The following WARS2 variants were observed in gnomAD, a reference collection of about 807,000 sequenced individuals.
WARS2 encodes tryptophanyl tRNA synthetase 2, mitochondrial, also known as tryptophan--tRNA ligase, mitochondrial.
Under a neutral mutation model 36.5 loss-of-function variants are expected in WARS2, and 28 were observed. That is an observed-to-expected ratio of 0.77 (90% CI 0.57 to 1.05). WARS2 has a LOEUF of 1.05. WARS2 is among the 50% of genes least tolerant of loss of function. The pLI is 0.00. For synonymous variants in WARS2, 174 were observed against 178.4 expected (o/e 0.98, Z 0.20); for missense variants, 435 against 456.8 (o/e 0.95, Z 0.44).
At chr1:119,072,288 C>T (rs1316277666) in intron 2 of WARS2, among the ~76,000 whole-genome samples, 2 of 152,090 alleles carry the variant, frequency 1.3e-5, no homozygotes, top group Non-Finnish European at 1.5e-5. Context: ...AGGCAATCCA[C>T]GGGCAGTAGG....
chr1:119,118,309 T>C (rs1046220297), intron 1 of WARS2, among the ~76,000 whole-genome samples: 5 of 151,670 alleles, frequency 3.3e-5, no homozygotes, highest in Non-Finnish European at 5.9e-5. Context: ...AATAATAGAA[T>C]TGAACAAGCA....
chr1:119,107,148 G>T (rs909257857), intron 1 of WARS2, among the ~76,000 whole-genome samples: 1 of 151,978 alleles, frequency 6.6e-6, no homozygotes, highest in African/African-American at 2.4e-5. Context: ...TTTCAACTGG[G>T]TTGTTCATTT....
chr1:119,071,474 A>G (rs1394037692), intron 2 of WARS2, among the ~76,000 whole-genome samples: 1 of 152,210 alleles, frequency 6.6e-6, no homozygotes, highest in Non-Finnish European at 1.5e-5. Flanking sequence ...CAGATAAAGA[A>G]AATACAGTAT....
intron 2 of WARS2, among the ~76,000 whole-genome samples, chr1:119,061,306 CAAAAG>C (rs1241870873): frequency 3.3e-5 from 5 of 151,758 alleles, no homozygotes; most frequent in African/African-American, 1.2e-4. Flanking sequence ...CTTAAAGATA[CAAAAG>C]AAAATATTCC....
chr1:119,125,985 A>G (rs981945455), intron 1 of WARS2, among the ~76,000 whole-genome samples: 3 of 152,204 alleles, frequency 2.0e-5, no homozygotes, highest in African/African-American at 7.2e-5. Context: ...GCAACCTTCT[A>G]CCTTTTAACT....
intron 1 of WARS2, among the ~76,000 whole-genome samples, chr1:119,111,019 T>C (rs1270878662): frequency 6.6e-6 from 1 of 152,204 alleles, no homozygotes; most frequent in African/African-American, 2.4e-5. Context: ...CTGCTTAAAT[T>C]ACCTATCTGT....
intron 1 of WARS2, among the ~76,000 whole-genome samples, chr1:119,120,006 A>G (rs1265048926): frequency 2.0e-5 from 3 of 152,126 alleles, no homozygotes; most frequent in South Asian, 2.1e-4. Context: ...TCAAGGAACT[A>G]GAGAAAGAAG....
chr1:119,082,996 A>G (rs1385648609), intron 1 of WARS2, among the ~76,000 whole-genome samples: 2 of 152,152 alleles, frequency 1.3e-5, no homozygotes, highest in Non-Finnish European at 2.9e-5. Flanking sequence ...TGGGAGGCCA[A>G]GGCAGGTGGA....
chr1:119,057,474 A>G (rs982900415), intron 2 of WARS2, among the ~76,000 whole-genome samples: 16 of 151,364 alleles, frequency 1.1e-4, no homozygotes, highest in Admixed American at 7.9e-4. Flanking sequence ...TGAAATGTCT[A>G]CTCAAATAAA....
chr1:119,123,641 A>C (rs587594743), intron 1 of WARS2, among the ~76,000 whole-genome samples: 1 of 152,174 alleles, frequency 6.6e-6, no homozygotes, highest in South Asian at 2.1e-4. Flanking sequence ...TTAGTCTATA[A>C]AACATTTTCC....
chr1:119,048,425 A>AT (rs1266809819), intron 2 of WARS2, among the ~76,000 whole-genome samples: 2 of 152,214 alleles, frequency 1.3e-5, no homozygotes, highest in African/African-American at 4.8e-5. Flanking sequence ...TATTATTACA[A>AT]TTTTTAGAAA....
At chr1:119,128,908 A>G (rs1655887282) in intron 1 of WARS2, among the ~76,000 whole-genome samples, 1 of 152,180 alleles carries the variant, frequency 6.6e-6, no homozygotes, top group Non-Finnish European at 1.5e-5. Context: ...TTAGTCATAG[A>G]TATGTTCATA....
At chr1:119,080,404 A>C (rs1307702778) in intron 1 of WARS2, among the ~76,000 whole-genome samples, 3 of 152,190 alleles carry the variant, frequency 2.0e-5, no homozygotes, top group African/African-American at 7.2e-5. Flanking sequence ...ACTGTGGGAA[A>C]AAAGTATTGT....
At chr1:119,060,838 AC>A (rs1294125649) in intron 2 of WARS2, among the ~76,000 whole-genome samples, 2 of 152,236 alleles carry the variant, frequency 1.3e-5, no homozygotes, top group Non-Finnish European at 2.9e-5. Context: ...AGTTTGGGTC[AC>A]CATAATGCCT....
intron 1 of WARS2, among the ~76,000 whole-genome samples, chr1:119,107,383 T>C (rs1036034854): frequency 1.3e-5 from 2 of 152,184 alleles, no homozygotes; most frequent in African/African-American, 4.8e-5. Flanking sequence ...CTTTATCCTA[T>C]GCTGTCTCCT....
chr1:119,108,984 T>C (rs1654432498), intron 1 of WARS2, among the ~76,000 whole-genome samples: 1 of 151,998 alleles, frequency 6.6e-6, no homozygotes, highest in Non-Finnish European at 1.5e-5. Context: ...ACCGTGTTAT[T>C]ATAAGTTTGT....
chr1:119,056,490 T>C (rs1395075184), intron 2 of WARS2, among the ~76,000 whole-genome samples: 1 of 148,430 alleles, frequency 6.7e-6, no homozygotes, highest in East Asian at 1.9e-4. Context: ...ATTTAGTCCA[T>C]ATACATTCTA....
chr1:119,085,568 T>C, intron 1 of WARS2: 1 of 1,599,100 alleles, frequency 6.3e-7, no homozygotes, highest in Non-Finnish European at 8.6e-7. Flanking sequence ...CCTGGAGCTC[T>C]TTGGTCACAT....
intron 1 of WARS2, among the ~76,000 whole-genome samples, chr1:119,117,810 CTAGA>C (rs1655072781): frequency 6.6e-6 from 1 of 152,130 alleles, no homozygotes; most frequent in Non-Finnish European, 1.5e-5. Context: ...CACTGGGTAG[CTAGA>C]CCCAGAAAAG....
Sources: gnomAD v4.1 joint callset for allele counts (sites outside exome capture counted in the v4.1 genomes callset) on GRCh38, gnomAD v4.1.1 for gene constraint, MANE v1.5 for transcripts, NCBI Gene and HGNC (gene_info 2026-07-23, HGNC 2026-07-21) for gene names.